ELMO1: variants seen among roughly 807,000 people sequenced by gnomAD.
ELMO1 encodes the protein engulfment and cell motility 1, also known as engulfment and cell motility protein 1.
A neutral mutation model predicts 98.9 loss-of-function variants in ELMO1; 26 were observed. That is an observed-to-expected ratio of 0.26 (90% confidence interval 0.19 to 0.36). The LOEUF (loss-of-function observed/expected upper bound fraction) is 0.36. Among genes scored for constraint, ELMO1 ranks in the 10% least tolerant of loss-of-function variants. The probability of loss-of-function intolerance (pLI) is 1.00; values close to 1 mark genes in which losing one functional copy is unlikely to be tolerated. For synonymous variants in ELMO1, 346 were observed against 346.0 expected, an observed-to-expected ratio of 1.00 and a Z score of 0.00; for missense variants, 627 against 935.2, an observed-to-expected ratio of 0.67 and a Z score of 4.30.
intron 16 of ELMO1, among the ~76,000 whole-genome samples, chr7:36,970,801 G>A (rs1381332954): frequency 6.6e-6 from 1 of 152,204 alleles, no homozygotes; most frequent in African/African-American, 2.4e-5. Flanking sequence ...TGTCAGAGCT[G>A]GCCACTCAGT....
chr7:37,024,747 C>T (rs1794471999), intron 15 of ELMO1, among the ~76,000 whole-genome samples: 1 of 152,160 alleles, frequency 6.6e-6, no homozygotes, highest in African/African-American at 2.4e-5. Context: ...CAGCACCTGA[C>T]ATTTGGTAAG....
intron 14 of ELMO1, among the ~76,000 whole-genome samples, chr7:37,105,149 AAC>A (rs1175165646): frequency 2.8e-4 from 43 of 152,234 alleles, no homozygotes; most frequent in Admixed American, 2.8e-3. Context: ...GGACGCGCAA[AAC>A]ACACAGAGCA....
In ELMO1 at chr7:37,046,973, C is replaced by T. The variant is rs144805334; in HGVS notation, c.1301-33538G>A. Among the ~76,000 whole-genome samples, 447 of 152,302 alleles carry T rather than the reference C, an allele frequency of 2.9e-3. 3 individuals are homozygous for T. Among genetic ancestry groups the T allele is most frequent in the African/African-American group, 9.8e-3 (407 of 41,568 alleles). ...AATAGAAATTTTCCCTCTATGTTTA[C>T]AAGCCAGATTCACTGATAAGAAAAT... On this transcript the variant is annotated intron_variant, in intron 15 of 21. Coordinates refer to ENST00000310758, the MANE Select transcript of ELMO1 (RefSeq NM_014800.11).
intron 13 of ELMO1, among the ~76,000 whole-genome samples, chr7:37,135,855 CA>C (rs1295027605): frequency 6.6e-6 from 1 of 152,152 alleles, no homozygotes; most frequent in African/African-American, 2.4e-5. Context: ...AGCTAACCAG[CA>C]ATGGATCCAA....
At chr7:37,242,925 A>G (rs1386533068) in intron 7 of ELMO1, among the ~76,000 whole-genome samples, 2 of 152,236 alleles carry the variant, frequency 1.3e-5, no homozygotes, top group Non-Finnish European at 2.9e-5. Flanking sequence ...AAATCCCATC[A>G]AAGACCCATC....
At chr7:37,348,595 A>G (rs1801118120) in intron 1 of ELMO1, among the ~76,000 whole-genome samples, 1 of 152,166 alleles carries the variant, frequency 6.6e-6, no homozygotes, top group Admixed American at 6.5e-5. Context: ...TGAAGTCTGT[A>G]TAGCAGTAAC....
chr7:37,101,624 G>A (rs562711634), intron 14 of ELMO1, among the ~76,000 whole-genome samples: 2 of 152,234 alleles, frequency 1.3e-5, no homozygotes, highest in East Asian at 3.9e-4. Context: ...GATAAATGCA[G>A]GGGCTCTTAG....
At chr7:37,350,156 T>C (rs1047729866) in intron 1 of ELMO1, among the ~76,000 whole-genome samples, 1 of 152,110 alleles carries the variant, frequency 6.6e-6, no homozygotes, top group African/African-American at 2.4e-5. Flanking sequence ...AAGAGGAAGT[T>C]TGTGGCTTCA....
At chr7:36,867,757 G>C (rs1803146192) in intron 20 of ELMO1, among the ~76,000 whole-genome samples, 1 of 152,190 alleles carries the variant, frequency 6.6e-6, no homozygotes, top group Admixed American at 6.5e-5. Context: ...AATTCTTCCT[G>C]GAACTGTGGG....
chr7:37,427,748 G>A (rs1020189099), intron 1 of ELMO1, among the ~76,000 whole-genome samples: 2 of 152,176 alleles, frequency 1.3e-5, no homozygotes, highest in Non-Finnish European at 2.9e-5. Flanking sequence ...AAGAGGAGAA[G>A]GGAGCTGACA....
At chr7:37,071,534 A>G (rs1309830277) in intron 15 of ELMO1, among the ~76,000 whole-genome samples, 1 of 152,208 alleles carries the variant, frequency 6.6e-6, no homozygotes, top group Non-Finnish European at 1.5e-5. Flanking sequence ...CAAATCTCCT[A>G]AGGAGAATTC....
chr7:36,889,901 G>A (rs987021603), intron 17 of ELMO1, among the ~76,000 whole-genome samples: 1 of 152,072 alleles, frequency 6.6e-6, no homozygotes, highest in African/African-American at 2.4e-5. Flanking sequence ...TCTTTCTATT[G>A]CACTACCCGG....
At chr7:37,419,724 C>T (rs1485965949) in intron 1 of ELMO1, 1 of 152,268 alleles carries the variant, frequency 6.6e-6, no homozygotes, top group Non-Finnish European at 1.5e-5. Flanking sequence ...TCAGCCCAGG[C>T]CCTGTGTGTG....
At chr7:37,275,349 T>C (rs1796774726) in intron 4 of ELMO1, among the ~76,000 whole-genome samples, 2 of 152,340 alleles carry the variant, frequency 1.3e-5, no homozygotes, top group East Asian at 1.9e-4. Flanking sequence ...TCCTTCAAGG[T>C]TCACTCCTTC....
chr7:36,910,710 A>G (rs1255407504), intron 16 of ELMO1, among the ~76,000 whole-genome samples: 1 of 152,190 alleles, frequency 6.6e-6, no homozygotes, highest in African/African-American at 2.4e-5. Context: ...GGGTTAAAAG[A>G]GAGAATGTTG....
chr7:37,233,225 G>C (rs755879633), intron 7 of ELMO1, 31 bp from the exon 8 acceptor site: 5 of 1,589,988 alleles, frequency 3.1e-6, no homozygotes, highest in Non-Finnish European at 4.3e-6. Context: ...CAAGAGTCAA[G>C]AGCCCCAAAG....
chr7:37,159,226 A>T (rs1789022622), intron 13 of ELMO1, among the ~76,000 whole-genome samples: 1 of 152,186 alleles, frequency 6.6e-6, no homozygotes. Flanking sequence ...GGGTGCAGCA[A>T]ACAAACATGG....
chr7:37,005,377 CA>C (rs1163523186), intron 16 of ELMO1, among the ~76,000 whole-genome samples: 4 of 151,792 alleles, frequency 2.6e-5, no homozygotes, highest in Admixed American at 6.6e-5. Flanking sequence ...CTGAGACCAC[CA>C]CGGCAGCACA....
At chr7:37,446,225 T>C (rs764897848) in intron 1 of ELMO1, among the ~76,000 whole-genome samples, 6 of 152,204 alleles carry the variant, frequency 3.9e-5, no homozygotes, top group Non-Finnish European at 7.3e-5. Context: ...AGCACCGACA[T>C]CATGCTAAGA....
Sources: gnomAD v4.1 joint callset for allele counts (sites outside exome capture counted in the v4.1 genomes callset) on GRCh38, gnomAD v4.1.1 for gene constraint, MANE v1.5 for transcripts, NCBI Gene and HGNC (gene_info 2026-07-23, HGNC 2026-07-21) for gene names.